The following MYO10 variants were observed in gnomAD, a reference collection of about 807,000 sequenced individuals.
MYO10 encodes the protein unconventional myosin-X.
In MYO10, 133 loss-of-function variants were observed where a neutral mutation model predicts 257.3. The observed-to-expected ratio is 0.52, with a 90% CI of 0.45 to 0.60. MYO10 has a LOEUF of 0.60. Among genes scored for constraint, MYO10 ranks in the 20% least tolerant of loss-of-function variants. The probability of loss-of-function intolerance (pLI) is 0.00; values close to 1 mark genes in which losing one functional copy is unlikely to be tolerated. For missense variants in MYO10, 2,399 were observed against 2,635.7 expected, an observed-to-expected ratio of 0.91 and a Z score of 1.97; for synonymous variants, 1,104 against 1,028.6, an observed-to-expected ratio of 1.07 and a Z score of -1.40.
At chr5:16,743,952 T>C (rs187429994) in intron 19 of MYO10, among the ~76,000 whole-genome samples, 1 of 152,310 alleles carries the variant, frequency 6.6e-6, no homozygotes, top group East Asian at 1.9e-4. Flanking sequence ...AGGGGGGCAG[T>C]GTGGAAACAG....
chr5:16,798,616 T>G (rs1236581410), intron 3 of MYO10, among the ~76,000 whole-genome samples: 2 of 152,234 alleles, frequency 1.3e-5, no homozygotes, highest in African/African-American at 4.8e-5. Context: ...CTTGAGGCTG[T>G]GAGTGCCTGG....
At chr5:16,736,977 G>A (rs749069822) in intron 19 of MYO10, among the ~76,000 whole-genome samples, 47 of 152,208 alleles carry the variant, frequency 3.1e-4, no homozygotes, top group Admixed American at 3.9e-4. Context: ...ATGCCTACGA[G>A]ATTTCATATT....
chr5:16,669,466 A>G lies in MYO10; in HGVS notation c.5884-998T>C, dbSNP rs561854543. On this transcript the variant is annotated intron_variant, in intron 39 of 40. Coordinates refer to ENST00000513610, the MANE Select transcript of MYO10 (RefSeq NM_012334.3). ...TGATCCGCCCGCCTTGGCCTCCCAA[A>G]GCGCTGGGATTACAGGCATGAGCCA... Among the ~76,000 whole-genome samples the G allele has an allele frequency of 2.0e-5, 3 of 152,244 alleles. No homozygotes were observed. The East Asian group carries it at 5.8e-4, about 29-fold the overall frequency.
intron 1 of MYO10, among the ~76,000 whole-genome samples, chr5:16,889,806 G>A (rs61420593): frequency 0.044 from 6,663 of 151,780 alleles, 354 homozygotes; most frequent in African/African-American, 0.097. Context: ...CAAGATGTTT[G>A]CACTCTGCGT....
At chr5:16,856,775 G>C (rs577672516) in intron 2 of MYO10, among the ~76,000 whole-genome samples, 12 of 152,230 alleles carry the variant, frequency 7.9e-5, no homozygotes, top group Middle Eastern at 3.4e-3. Context: ...CTGCAGTCAT[G>C]CATGACCCTG....
At position 16,781,725 on chromosome 5, in the gene MYO10, T is replaced by C. The variant is rs190002879; in HGVS notation, c.707A>G (p.Gln236Arg). The C allele has an allele frequency of 3.5e-5, 57 of 1,613,902 alleles. No individual in the cohort carries two copies. The African/African-American group carries it at 7.3e-4, about 21-fold the overall frequency. ...QLNICQKGNI[Q>R]GGRIVDYLLE... ...GATACAATCTACAATTCTCCCGCCC[T>C]GAATATTTCCTTTCTGACAGATGTT... Residue 236 changes from glutamine (Q) to arginine (R), a missense_variant, in exon 6 of 41, where the codon CAG (glutamine) becomes CGG (arginine). Gln to Arg is a conservative substitution (Grantham distance 43, BLOSUM62 1). This residue lies in a region of MYO10 where 337 missense variants were observed against 446.8 expected (regional missense o/e 0.75). Transcript: ENST00000513610.
intron 2 of MYO10, among the ~76,000 whole-genome samples, chr5:16,841,935 T>C (rs143064555): frequency 7.1e-6 from 1 of 141,140 alleles, no homozygotes; most frequent in African/African-American, 2.7e-5. Context: ...TATTTCCTGC[T>C]GAGATTAGCA....
chr5:16,872,696 A>G (rs2126757529), intron 2 of MYO10, among the ~76,000 whole-genome samples: 1 of 152,326 alleles, frequency 6.6e-6, no homozygotes, highest in African/African-American at 2.4e-5. Flanking sequence ...AATTGGACTT[A>G]CAGTTCCACA....
At position 16,670,791 on chromosome 5, in the gene MYO10, G is replaced by C. The variant is rs926847077; in HGVS notation, c.5618C>G (p.Pro1873Arg). Residue 1873 changes from proline (P) to arginine (R), a missense_variant, in exon 39 of 41, where the codon CCT becomes CGT. Coordinates refer to ENST00000513610, the MANE Select transcript of MYO10 (RefSeq NM_012334.3). Reference protein sequence around the residue: ...RISQSTKTFTPCERLEKRRTS... With the variant: ...RISQSTKTFTRCERLEKRRTS... ...CCGCCTCTTCTCCAGCCGTTCACAAGGGGTGAAGGTTTTGGTTGACTGGCT... is the reference window on the plus strand; with the variant it reads ...CCGCCTCTTCTCCAGCCGTTCACAACGGGTGAAGGTTTTGGTTGACTGGCT... The C allele has an allele frequency of 6.2e-7, 1 of 1,613,908 alleles. No individual in the cohort carries two copies. The highest frequency in any genetic ancestry group is 1.3e-5 in the African/African-American group (1 of 74,920).
chr5:16,680,516 C>T (rs1414676568), intron 32 of MYO10, among the ~76,000 whole-genome samples: 1 of 152,138 alleles, frequency 6.6e-6, no homozygotes, highest in Non-Finnish European at 1.5e-5. Context: ...CAGAAGACAG[C>T]ACTTGGCCTG....
intron 19 of MYO10, among the ~76,000 whole-genome samples, chr5:16,754,561 C>T (rs1379659345): frequency 1.4e-5 from 2 of 147,460 alleles, no homozygotes; most frequent in Non-Finnish European, 3.0e-5. Context: ...TTAAACCAAA[C>T]GCTAAAAAAA....
chr5:16,744,367 C>T (rs999458637), intron 19 of MYO10, among the ~76,000 whole-genome samples: 2 of 152,180 alleles, frequency 1.3e-5, no homozygotes, highest in African/African-American at 4.8e-5. Flanking sequence ...AGGGAAAGGA[C>T]GCCCGGCCAC....
In MYO10 at chr5:16,689,970, A is replaced by T. The variant is rs256936; in HGVS notation, c.3801-51T>A. Reference sequence around the variant, plus strand: ...GCACATCAGGAACACCAAATTCTGAATAACTGAGGAAAGCAACTAATGAAG... The same window carrying T: ...GCACATCAGGAACACCAAATTCTGATTAACTGAGGAAAGCAACTAATGAAG... On this transcript the variant is annotated intron_variant, in intron 27 of 40. Coordinates refer to ENST00000513610, the MANE Select transcript of MYO10 (RefSeq NM_012334.3). 11,983 of 1,340,676 alleles carry T rather than the reference A, an allele frequency of 8.9e-3. 705 individuals carry two copies. In the African/African-American group the frequency reaches 0.14, roughly 16 times the overall value. 83.0% of individuals were successfully genotyped at this position (1,340,676 alleles called of 1,614,324 possible).
intron 2 of MYO10, among the ~76,000 whole-genome samples, chr5:16,874,495 TG>T (rs1403507646): frequency 6.6e-6 from 1 of 152,152 alleles, no homozygotes; most frequent in Admixed American, 6.6e-5. Context: ...TTCCACCAGA[TG>T]CCCTAAATCA....
chr5:16,916,580 T>C, intron 1 of MYO10: 1 of 159,740 alleles, frequency 6.3e-6, no homozygotes, highest in Non-Finnish European at 1.4e-5. Context: ...GCCTGAAGAT[T>C]TGATGAGAGC....
intron 2 of MYO10, among the ~76,000 whole-genome samples, chr5:16,849,206 C>T (rs1743728508): frequency 6.6e-6 from 1 of 152,206 alleles, no homozygotes; most frequent in Non-Finnish European, 1.5e-5. Flanking sequence ...ACATAACATA[C>T]ATTTACTGAT....
intron 3 of MYO10, among the ~76,000 whole-genome samples, chr5:16,806,601 T>G (rs1011174431): frequency 6.7e-6 from 1 of 149,914 alleles, no homozygotes; most frequent in Non-Finnish European, 1.5e-5. Flanking sequence ...TGAGCCAAGA[T>G]AGTGCCACTG....
intron 29 of MYO10, among the ~76,000 whole-genome samples, chr5:16,685,183 T>C (rs1416460558): frequency 1.3e-5 from 2 of 152,214 alleles, no homozygotes; most frequent in African/African-American, 4.8e-5. Flanking sequence ...AGAACTGGAA[T>C]GTATTACTAC....
At position 16,701,974 on chromosome 5, in the gene MYO10, T is replaced by A; in HGVS notation, c.2557-136A>T. On this transcript the variant is annotated intron_variant, in intron 24 of 40. Coordinates refer to ENST00000513610, the MANE Select transcript of MYO10 (RefSeq NM_012334.3). This position sits in a 1 kb window ranked among gnomAD's most constrained non-coding sequence, Gnocchi z 8.1. ...CCATAAAGTCTATAGGTTGAAGTCC[T>A]AACCCCAATACTGCAGAATGTGACT... is the stretch of plus-strand genomic sequence containing the variant. 1.0e-6 allele frequency: 1 copy of A among 984,598 alleles called. No homozygotes were observed. Among genetic ancestry groups the A allele is most frequent in the Non-Finnish European group, 1.5e-6 (1 of 686,894 alleles). The allele number at this position is 984,598 out of a possible 1,614,324, so 61.0% of individuals were successfully genotyped here.
Sources: gnomAD v4.1 joint callset for allele counts (sites outside exome capture counted in the v4.1 genomes callset) on GRCh38, gnomAD v4.1.1 for gene constraint, gnomAD v4.1.1 regional missense constraint, Gnocchi (gnomAD v3.1) non-coding constraint, MANE v1.5 for transcripts, NCBI Gene and HGNC (gene_info 2026-07-23, HGNC 2026-07-21) for gene names.